The following AKT1 variants were observed in gnomAD, a reference collection of about 807,000 sequenced individuals.
AKT1 encodes RAC-alpha serine/threonine-protein kinase.
Under a neutral mutation model 63.1 loss-of-function variants are expected in AKT1, and 21 were observed. The ratio of observed to expected loss-of-function variants is 0.33; its 90% confidence interval spans 0.24 to 0.48. The LOEUF is 0.48. Among genes scored for constraint, AKT1 ranks in the 20% least tolerant of loss-of-function variants. AKT1 has a pLI of 0.99. For synonymous variants in AKT1, 257 were observed against 253.1 expected (o/e 1.02, Z -0.15); for missense variants, 382 against 666.0 (o/e 0.57, Z 4.69).
chr14:104,786,053 C>T (rs1893314413), intron 3 of AKT1, among the ~76,000 whole-genome samples: 1 of 152,176 alleles, frequency 6.6e-6, no homozygotes, highest in African/African-American at 2.4e-5. Flanking sequence ...CACACCCATC[C>T]ATCGCAGAGC....
rs1412281689 is a variant in AKT1 at position 104,770,363 on chromosome 14, TAGG to T, written c.1418_1420del (p.Ser473del). 6.2e-7 allele frequency: 1 copy of T among 1,612,450 alleles called. No individual in the cohort carries two copies. Among genetic ancestry groups the T allele is most frequent in the Non-Finnish European group, 8.5e-7 (1 of 1,179,898 alleles). On this transcript the variant is annotated inframe_deletion, in exon 15 of 15. Coordinates refer to ENST00000649815, the MANE Select transcript of AKT1 (RefSeq NM_001382430.1). ...GCCTCAGGCCGTGCCGCTGGCCGAGTAGGAGAACTGGGGGAAGTGGGGCCTGCG... is the reference window on the plus strand; with the variant it reads ...GCCTCAGGCCGTGCCGCTGGCCGAGTAGAACTGGGGGAAGTGGGGCCTGCG...
At chr14:104,772,074 C>G in intron 13 of AKT1, 1 of 530,266 alleles carries the variant, frequency 1.9e-6, no homozygotes, top group Non-Finnish European at 3.4e-6. Context: ...GGCTGGCACT[C>G]AGAGTGTGAC....
Position 104,792,659 on chromosome 14 carries a change from C to T in AKT1, c.-16G>A, listed in dbSNP as rs780836176. On this transcript the variant is annotated 5_prime_UTR_variant, in exon 3 of 15. Transcript: ENST00000649815. ...CGTCGCTCATGGTGCCCGAGGCTCCCGCGACGCTCACGCGCTCCTCTCAGG... is the reference window on the plus strand; with the variant it reads ...CGTCGCTCATGGTGCCCGAGGCTCCTGCGACGCTCACGCGCTCCTCTCAGG... 1.3e-5 allele frequency: 21 copies of T among 1,608,994 alleles called. No individual in the cohort carries two copies. Among genetic ancestry groups the T allele is most frequent in the South Asian group, 6.6e-5 (6 of 91,090 alleles).
chr14:104,776,016 C>A (rs1431704840), intron 5 of AKT1: 9 of 554,192 alleles, frequency 1.6e-5, no homozygotes, highest in Non-Finnish European at 2.5e-5. Context: ...AGCCCCCCAG[C>A]AGGACTCTGT....
intron 3 of AKT1, among the ~76,000 whole-genome samples, chr14:104,781,067 C>T (rs539209490): frequency 9.2e-5 from 14 of 152,366 alleles, no homozygotes; most frequent in South Asian, 6.2e-4. Flanking sequence ...CGTACGCAGG[C>T]GTTCACACTT....
intron 3 of AKT1, among the ~76,000 whole-genome samples, chr14:104,788,249 C>A (rs564359683): frequency 6.6e-6 from 1 of 152,316 alleles, no homozygotes; most frequent in Admixed American, 6.5e-5. Flanking sequence ...CTGGGAAAAA[C>A]TGAGGCCCAG....
rs769619173 is a variant in AKT1 at position 104,772,864 on chromosome 14, T to A, written c.1172+14A>T. On this transcript the variant is annotated intron_variant, in intron 12 of 14. Coordinates refer to ENST00000649815, the MANE Select transcript of AKT1 (RefSeq NM_001382430.1). ...ATGGAGGTGTAGCCTGTAGCTGGGA[T>A]GGGCGGCCCTCACCTCTGCTTGGGG... is the stretch of plus-strand genomic sequence containing the variant. 6.2e-7 allele frequency: 1 copy of A among 1,601,034 alleles called. No homozygotes were observed. The highest frequency in any genetic ancestry group is 1.1e-5 in the South Asian group (1 of 90,600).
intron 3 of AKT1, among the ~76,000 whole-genome samples, chr14:104,787,387 T>C (rs1369727145): frequency 2.0e-5 from 3 of 151,762 alleles, no homozygotes; most frequent in South Asian, 2.1e-4. Context: ...CTAGGCACAA[T>C]GGTCCAAGCA....
intron 8 of AKT1, chr14:104,774,285 G>A: frequency 2.2e-6 from 1 of 462,190 alleles, no homozygotes; most frequent in Non-Finnish European, 4.0e-6. Flanking sequence ...CATCAGGCTG[G>A]GCCCCGGCAG....
intron 13 of AKT1, chr14:104,771,254 T>G: frequency 3.5e-6 from 1 of 283,802 alleles, no homozygotes; most frequent in Middle Eastern, 1.0e-3. Context: ...GTGCACAGGA[T>G]GAGCCCACCC....
At position 104,773,497 on chromosome 14, in the gene AKT1, G is replaced by C. The variant is rs371467719; in HGVS notation, c.786C>G (p.Asp262Glu). The C allele has an allele frequency of 6.2e-7, 1 of 1,613,734 alleles. No homozygotes were observed. Among genetic ancestry groups the C allele is most frequent in the African/African-American group, 1.3e-5 (1 of 74,922 alleles). ...FYGAEIVSAL[D>E]YLHSEKNVVY... ...CCACGTTCTTCTCCGAGTGCAGGTA[G>C]TCCAGGGCTGACACAATCTCAGCGC... The change falls in exon 10 of 15, where the codon GAC becomes GAG. Residue 262 changes from aspartate to glutamate, a missense_variant. Around this residue, in one of 3 missense-constraint regions of AKT1, gnomAD observed 226 missense variants for 366.4 expected, o/e 0.62. Coordinates refer to ENST00000649815, the MANE Select transcript of AKT1 (RefSeq NM_001382430.1).
intron 3 of AKT1, among the ~76,000 whole-genome samples, chr14:104,786,634 AG>A (rs1414330401): frequency 2.0e-5 from 3 of 152,208 alleles, no homozygotes; most frequent in African/African-American, 7.2e-5. Context: ...CCCGCCACAG[AG>A]GGGCCTTCCA....
intron 3 of AKT1, among the ~76,000 whole-genome samples, chr14:104,785,824 C>G (rs1019803630): frequency 1.6e-4 from 24 of 152,188 alleles, no homozygotes; most frequent in Non-Finnish European, 3.2e-4. Flanking sequence ...ATGACCCCGT[C>G]CACCTCGCTG....
rs1337514515 is a variant in AKT1, at chr14:104,776,777, G to A, written c.176-7C>T. 1.2e-6 allele frequency: 2 copies of A among 1,611,318 alleles called. No individual in the cohort carries two copies. The highest frequency in any genetic ancestry group is 8.5e-7 in the Non-Finnish European group (1 of 1,179,076). ...GTCTTCATCAGCTGGCACTCTGCGG[G>A]CAGGCAGAGCCTCTGTCTGCGTGCA... is the stretch of plus-strand genomic sequence containing the variant. On this transcript the variant is annotated splice_region_variant and splice_polypyrimidine_tract_variant and intron_variant, in intron 4 of 14. Transcript: ENST00000649815.
chr14:104,785,392 C>T (rs1893281210), intron 3 of AKT1, among the ~76,000 whole-genome samples: 1 of 152,228 alleles, frequency 6.6e-6, no homozygotes, highest in African/African-American at 2.4e-5. Flanking sequence ...TTGGCTGGAG[C>T]CCCCAGGTCT....
intron 1 of AKT1, chr14:104,793,884 G>A (rs2141012085): frequency 6.6e-6 from 1 of 152,302 alleles, no homozygotes; most frequent in East Asian, 1.9e-4. Flanking sequence ...GTCCTCTCTG[G>A]GACCTCCAGG....
At chr14:104,774,125 G>T in intron 8 of AKT1, 145 bp from the exon 9 acceptor site, 1 of 720,762 alleles carries the variant, frequency 1.4e-6, no homozygotes, top group Non-Finnish European at 2.4e-6. Flanking sequence ...ACACCACGCT[G>T]CCTGATACCA....
chr14:104,770,454 C>T lies in AKT1; in HGVS notation c.1364-34G>A, dbSNP rs756968921. On this transcript the variant is annotated intron_variant, in intron 14 of 14. Transcript: ENST00000649815. Reference sequence around the variant, plus strand: ...GTAGACAGCTCAGACCCCGGTGCCCCACCTCCCTGCCACCTCCACCCACCC... The same window carrying T: ...GTAGACAGCTCAGACCCCGGTGCCCTACCTCCCTGCCACCTCCACCCACCC... The T allele has an allele frequency of 7.8e-6, 12 of 1,532,964 alleles. No individual in the cohort carries two copies. The African/African-American group carries it at 1.6e-4, about 21-fold the overall frequency. The allele number at this position is 1,532,964 out of a possible 1,614,324, so 95.0% of individuals were successfully genotyped here.
intron 4 of AKT1, among the ~76,000 whole-genome samples, chr14:104,779,098 C>A (rs535723726): frequency 7.0e-4 from 107 of 152,338 alleles, no homozygotes; most frequent in South Asian, 1.9e-3. Flanking sequence ...GTGTCCCCAG[C>A]CTCCCACCTA....
Sources: allele counts gnomAD v4.1 joint callset (sites outside exome capture counted in the v4.1 genomes callset), GRCh38; gene constraint gnomAD v4.1.1; regional missense constraint gnomAD v4.1.1; transcripts MANE v1.5; gene names NCBI Gene and HGNC (gene_info 2026-07-23, HGNC 2026-07-21).